ZEB2: variants seen among roughly 807,000 people sequenced by gnomAD.
ZEB2 encodes zinc finger E-box binding homeobox 2.
Under a neutral mutation model 99.9 loss-of-function variants are expected in ZEB2, and 6 were observed. The observed-to-expected ratio is 0.06, with a 90% CI of 0.03 to 0.12. ZEB2 has a LOEUF of 0.12. Ranked by LOEUF, ZEB2 falls within the 10% of genes least tolerant of loss-of-function variation. ZEB2 has a pLI of 1.00. For missense variants in ZEB2, 969 were observed against 1,502.8 expected, an observed-to-expected ratio of 0.64 and a Z score of 5.87; for synonymous variants, 517 against 542.5, an observed-to-expected ratio of 0.95 and a Z score of 0.65.
At position 144,419,934 on chromosome 2, in the gene ZEB2, A is replaced by G. The variant is rs529956284; in HGVS notation, c.403+4862T>C. 4.6e-5 allele frequency among the ~76,000 whole-genome samples: 7 copies of G among 152,306 alleles called. No homozygotes were observed. The South Asian group carries it at 1.5e-3, about 32-fold the overall frequency. ...TAAAAAAAAAATGTAGTGATACTCT[A>G]GGCTATTCTTCTTTGCCTTTAACAA... On this transcript the variant is annotated intron_variant, in intron 4 of 9. Coordinates refer to ENST00000627532, the MANE Select transcript of ZEB2 (RefSeq NM_014795.4).
intron 2 of ZEB2, among the ~76,000 whole-genome samples, chr2:144,447,872 G>A (rs1704006850): frequency 6.6e-6 from 1 of 152,162 alleles, no homozygotes; most frequent in Admixed American, 6.5e-5. Context: ...GTAGGTTCTG[G>A]GATCAGGATG....
At chr2:144,436,721 A>T (rs1338089092) in intron 2 of ZEB2, among the ~76,000 whole-genome samples, 1 of 152,222 alleles carries the variant, frequency 6.6e-6, no homozygotes, top group Non-Finnish European at 1.5e-5. Context: ...GCAGGTAATA[A>T]CATCTTAGAT....
chr2:144,517,833 C>A, intron 1 of ZEB2: 1 of 586,324 alleles, frequency 1.7e-6, no homozygotes, highest in Non-Finnish European at 3.1e-6. Flanking sequence ...TCTCATCCCC[C>A]CACCCCCCAA....
intron 2 of ZEB2, among the ~76,000 whole-genome samples, chr2:144,491,442 A>C (rs979279704): frequency 6.6e-6 from 1 of 151,868 alleles, no homozygotes; most frequent in Non-Finnish European, 1.5e-5. Flanking sequence ...TGTTTTTATA[A>C]GTTTCAGATT....
At chr2:144,492,982 T>A (rs1704704093) in intron 2 of ZEB2, among the ~76,000 whole-genome samples, 1 of 152,216 alleles carries the variant, frequency 6.6e-6, no homozygotes. Context: ...CAAATAGGAA[T>A]CAGATATTTT....
intron 2 of ZEB2, among the ~76,000 whole-genome samples, chr2:144,505,817 C>T (rs1429055706): frequency 6.6e-6 from 1 of 152,204 alleles, no homozygotes; most frequent in Non-Finnish European, 1.5e-5. Flanking sequence ...CTACCTCACA[C>T]TTATCTGCAC....
chr2:144,483,533 A>G (rs1704549287), intron 2 of ZEB2, among the ~76,000 whole-genome samples: 1 of 152,236 alleles, frequency 6.6e-6, no homozygotes, highest in South Asian at 2.1e-4. Flanking sequence ...AAGAAGATCA[A>G]ACAGTTCCCA....
intron 3 of ZEB2, among the ~76,000 whole-genome samples, chr2:144,426,339 C>T (rs1438487329): frequency 6.6e-6 from 1 of 152,054 alleles, no homozygotes; most frequent in Non-Finnish European, 1.5e-5. Flanking sequence ...TGCAAGGAAT[C>T]ATATTAAGGT....
rs764560219 is a variant in ZEB2, at chr2:144,429,884, T to G, written c.216A>C (p.Pro72=). 6 of 1,613,734 alleles carry G rather than the reference T, an allele frequency of 3.7e-6. No individual in the cohort carries two copies. In the Admixed American group the frequency reaches 1.0e-4, roughly 27 times the overall value. The change falls in exon 3 of 10, where the codon CCA becomes CCC. Residue 72 remains proline, a synonymous_variant. Transcript: ENST00000627532. ...PASVPNHESS[P]HVSQALLPRE... ...TTGGCAACAGAGCTTGGCTCACGTG[T>G]GGGGAGGACTCATGGTTGGGCACAC...
At chr2:144,450,325 C>A (rs1005337526) in intron 2 of ZEB2, 2 of 152,122 alleles carry the variant, frequency 1.3e-5, no homozygotes, top group Non-Finnish European at 2.9e-5. Flanking sequence ...TCAATATTTC[C>A]TTTTCAGAAA....
At chr2:144,507,532 A>G (rs1704967438) in intron 2 of ZEB2, 1 of 152,226 alleles carries the variant, frequency 6.6e-6, no homozygotes, top group Non-Finnish European at 1.5e-5. Context: ...AAATGAAAGC[A>G]AAGTACAATC....
chr2:144,436,733 T>C (rs928194793), intron 2 of ZEB2, among the ~76,000 whole-genome samples: 4 of 152,208 alleles, frequency 2.6e-5, no homozygotes, highest in African/African-American at 9.6e-5. Context: ...ATCTTAGATA[T>C]GTAATTTTCC....
chr2:144,516,222 A>ACCCCCCCCCC (rs113175667), intron 2 of ZEB2: 2 of 89,644 alleles, frequency 2.2e-5, no homozygotes, highest in East Asian at 3.1e-4. Context: ...CAGCTCCCCC[A>ACCCCCCCCCC]CCCCCCCCCG....
chr2:144,385,888 TA>T lies in ZEB2; in HGVS notation c.*3562del, dbSNP rs968031189. 9 of 152,210 alleles carry T rather than the reference TA, an allele frequency of 5.9e-5. No individual in the cohort carries two copies. The highest frequency in any genetic ancestry group is 2.0e-4 in the Admixed American group (3 of 15,274). 9.4% of individuals were successfully genotyped at this position (152,210 alleles called of 1,614,324 possible). A position where few individuals can be genotyped will look rare whatever the true frequency, so the allele number is the denominator to read the frequency against. ...ACATTTATTCATATTTATTCAAATA[TA>T]GTCCCTTCTTTCCCCTTTCCTCCAA... On this transcript the variant is annotated 3_prime_UTR_variant, in exon 10 of 10. Transcript: ENST00000627532.
chr2:144,509,125 T>C (rs972582668), intron 2 of ZEB2, among the ~76,000 whole-genome samples: 1 of 152,204 alleles, frequency 6.6e-6, no homozygotes, highest in African/African-American at 2.4e-5. Flanking sequence ...GCCAGAATTC[T>C]GAGTGTCTTT....
chr2:144,452,672 C>T (rs200948302), intron 2 of ZEB2, among the ~76,000 whole-genome samples: 2 of 152,070 alleles, frequency 1.3e-5, no homozygotes, highest in Non-Finnish European at 1.5e-5. Context: ...CCTGCAGTTC[C>T]GTCGCCAACC....
At chr2:144,391,119 T>C (rs1179581413) in intron 9 of ZEB2, among the ~76,000 whole-genome samples, 3 of 152,382 alleles carry the variant, frequency 2.0e-5, no homozygotes, top group Non-Finnish European at 4.4e-5. Context: ...TGTCATGTTA[T>C]AAGTTTAGGG....
chr2:144,425,427 A>G (rs751656960), intron 3 of ZEB2, among the ~76,000 whole-genome samples: 1 of 152,208 alleles, frequency 6.6e-6, no homozygotes, highest in Non-Finnish European at 1.5e-5. Context: ...TACCTGTTTC[A>G]CTGCTTGATA....
At chr2:144,488,190 C>A (rs1431357396) in intron 2 of ZEB2, among the ~76,000 whole-genome samples, 2 of 152,204 alleles carry the variant, frequency 1.3e-5, no homozygotes, top group Non-Finnish European at 2.9e-5. Flanking sequence ...TGTTAGAGTA[C>A]ATTTGCTTAT....
Sources: gnomAD v4.1 joint callset for allele counts (sites outside exome capture counted in the v4.1 genomes callset) on GRCh38, gnomAD v4.1.1 for gene constraint, MANE v1.5 for transcripts, NCBI Gene and HGNC (gene_info 2026-07-23, HGNC 2026-07-21) for gene names.